Variants in BRAF observed in about 807,000 individuals in gnomAD.
BRAF encodes the protein B-Raf proto-oncogene, serine/threonine kinase.
In BRAF, 16 loss-of-function variants were observed where a neutral mutation model predicts 104.6. The observed-to-expected ratio is 0.15, with a 90% CI of 0.10 to 0.23. The LOEUF is 0.23. Among genes scored for constraint, BRAF ranks in the 10% least tolerant of loss-of-function variants. The pLI is 1.00. For missense variants in BRAF, 541 were observed against 937.3 expected (o/e 0.58, Z 5.52); for synonymous variants, 310 against 341.6 (o/e 0.91, Z 1.02).
At chr7:140,811,298 T>C (rs529454946) in intron 3 of BRAF, among the ~76,000 whole-genome samples, 8 of 152,212 alleles carry the variant, frequency 5.3e-5, no homozygotes, top group Non-Finnish European at 7.4e-5. Flanking sequence ...TTGGGTGACA[T>C]TGACAGATCT....
chr7:140,885,365 A>G (rs1171989341), intron 1 of BRAF, among the ~76,000 whole-genome samples: 8 of 152,200 alleles, frequency 5.3e-5, no homozygotes, highest in Admixed American at 5.2e-4. Flanking sequence ...TGCCTTAACA[A>G]AAGATATCTG....
At position 140,899,259 on chromosome 7, in the gene BRAF, C is replaced by CT. The variant is rs1171765687; in HGVS notation, c.138+25306dup. ...GAACTTGTTAAAAATGCAAAGCAAA[C>CT]TATCAGGCTCCACCCAATTCCTACT... On this transcript the variant is annotated intron_variant, in intron 1 of 19. Transcript: ENST00000644969. 7.8e-5 allele frequency among the ~76,000 whole-genome samples: 9 copies of CT among 115,764 alleles called. No individual in the cohort carries two copies. The East Asian group carries it at 2.7e-3, about 35-fold the overall frequency. 75.9% of individuals were successfully genotyped at this position (115,764 alleles called of 152,430 possible).
the BRAF span, among the ~76,000 whole-genome samples, chr7:140,713,605 A>G: frequency 6.6e-6 from 1 of 151,948 alleles, no homozygotes; most frequent in Non-Finnish European, 1.5e-5. Flanking sequence ...CCTTCTCTCA[A>G]CTTGTCAAAG....
chr7:140,818,375 C>T (rs1430823620), intron 3 of BRAF, among the ~76,000 whole-genome samples: 2 of 150,856 alleles, frequency 1.3e-5, no homozygotes, highest in East Asian at 1.9e-4. Flanking sequence ...TGCAGTGGCA[C>T]GATATTGGCT....
intron 2 of BRAF, among the ~76,000 whole-genome samples, chr7:140,838,604 A>G (rs749604162): frequency 1.8e-4 from 27 of 152,202 alleles, no homozygotes; most frequent in Non-Finnish European, 2.8e-4. Context: ...GAAACTGACA[A>G]GCTGATCTTA....
rs370332827 is a variant in BRAF, at chr7:140,734,786, G to GAAAAAAAAAAAAAAAAAAA, written c.2248-17_2248-16insTTTTTTTTTTTTTTTTTTT. ...AGGCGAGAATCTACAAAAAAAAAAA[G>GAAAAAAAAAAAAAAAAAAA]AAAAAAAAAAGAAAAAAAAAGAAAA... On this transcript the variant is annotated splice_polypyrimidine_tract_variant and intron_variant, in intron 18 of 19. Coordinates refer to ENST00000644969, the MANE Select transcript of BRAF (RefSeq NM_001374258.1). The GAAAAAAAAAAAAAAAAAAA allele has an allele frequency of 2.2e-5, 18 of 823,140 alleles. No individual in the cohort carries two copies. The highest frequency in any genetic ancestry group is 1.3e-4 in the Admixed American group (2 of 15,044). The allele number at this position is 823,140 out of a possible 1,614,324, so 51.0% of individuals were successfully genotyped here. A position where few individuals can be genotyped will look rare whatever the true frequency, so the allele number is the denominator to read the frequency against.
intron 17 of BRAF, chr7:140,740,558 A>C (rs1796837429): frequency 6.6e-6 from 1 of 152,198 alleles, no homozygotes; most frequent in South Asian, 2.1e-4. Context: ...CTAATTTCTT[A>C]ATTTCCTAAT....
At chr7:140,881,444 G>A (rs778986762) in intron 1 of BRAF, among the ~76,000 whole-genome samples, 1 of 152,108 alleles carries the variant, frequency 6.6e-6, no homozygotes, top group African/African-American at 2.4e-5. Flanking sequence ...GAATGGAGAC[G>A]ACGTCTCACT....
Position 140,734,774 on chromosome 7 carries a change from C to CAAAAAAAAAAGAAAAAAA in BRAF, c.2248-5_2248-4insTTTTTTTCTTTTTTTTTT. 1 of 772,600 alleles carries CAAAAAAAAAAGAAAAAAA rather than the reference C, an allele frequency of 1.3e-6. No homozygotes were observed. The highest frequency in any genetic ancestry group is 4.7e-5 in the African/African-American group (1 of 21,348). 47.9% of individuals were successfully genotyped at this position (772,600 alleles called of 1,614,324 possible). On this transcript the variant is annotated splice_region_variant and splice_polypyrimidine_tract_variant and intron_variant, in intron 18 of 19. Coordinates refer to ENST00000644969, the MANE Select transcript of BRAF (RefSeq NM_001374258.1). ...GCAGCTCAATAGAGGCGAGAATCTA[C>CAAAAAAAAAAGAAAAAAA]AAAAAAAAAAAGAAAAAAAAAAGAA...
intron 1 of BRAF, among the ~76,000 whole-genome samples, chr7:140,871,141 G>C (rs1811540600): frequency 6.9e-6 from 1 of 145,730 alleles, no homozygotes; most frequent in South Asian, 2.2e-4. Context: ...ACTCGGGAGG[G>C]TGACGCGGGA....
At chr7:140,850,474 C>T (rs1809045683) in intron 1 of BRAF, among the ~76,000 whole-genome samples, 1 of 152,148 alleles carries the variant, frequency 6.6e-6, no homozygotes, top group Non-Finnish European at 1.5e-5. Context: ...CTCTCTTCAT[C>T]TTCCTCACAT....
At chr7:140,741,394 C>G (rs929337317) in intron 17 of BRAF, 1 of 152,166 alleles carries the variant, frequency 6.6e-6, no homozygotes, top group Admixed American at 6.5e-5. Context: ...GCCGCTGCTC[C>G]TACTCTGCTT....
intron 1 of BRAF, among the ~76,000 whole-genome samples, chr7:140,904,491 T>G (rs1816069135): frequency 1.3e-5 from 2 of 152,200 alleles, no homozygotes; most frequent in African/African-American, 2.4e-5. Flanking sequence ...AGACATAACA[T>G]TTGATTCTCT....
intron 1 of BRAF, among the ~76,000 whole-genome samples, chr7:140,863,071 T>C (rs1184931830): frequency 1.3e-5 from 2 of 152,186 alleles, no homozygotes; most frequent in African/African-American, 4.8e-5. Flanking sequence ...TTTCTATCTT[T>C]TGACCTAGCA....
chr7:140,740,091 A>G (rs1396150921), intron 17 of BRAF, 145 bp from the exon 17 acceptor site: 5 of 805,704 alleles, frequency 6.2e-6, no homozygotes, highest in African/African-American at 3.5e-5. Context: ...TAAAAAACCA[A>G]TGCCACATCA....
Position 140,723,830 on chromosome 7 carries a change from T to C in BRAF, c.*2664A>G, listed in dbSNP as rs1307691149. The C allele has an allele frequency of 1.9e-6, 2 of 1,046,530 alleles. No homozygotes were observed. The highest frequency in any genetic ancestry group is 1.2e-6 in the Non-Finnish European group (1 of 867,494). 64.8% of individuals were successfully genotyped at this position (1,046,530 alleles called of 1,614,324 possible). A position where few individuals can be genotyped will look rare whatever the true frequency, so the allele number is the denominator to read the frequency against. The stretch of plus-strand genomic sequence containing the variant: ...TCTATACAATTACTCATAAAGTGCT[T>C]TTCACAAATAAGGACTTCTTCCTCG... On this transcript the variant is annotated 3_prime_UTR_variant, in exon 20 of 20. Coordinates refer to ENST00000644969, the MANE Select transcript of BRAF (RefSeq NM_001374258.1).
At chr7:140,884,192 T>A (rs1813257633) in intron 1 of BRAF, 1 of 151,956 alleles carries the variant, frequency 6.6e-6, no homozygotes, top group Non-Finnish European at 1.5e-5. Flanking sequence ...AATTAAAAAA[T>A]TTTTAAATTA....
intron 5 of BRAF, among the ~76,000 whole-genome samples, chr7:140,801,909 T>C (rs1275353811): frequency 1.3e-5 from 2 of 152,064 alleles, no homozygotes; most frequent in Admixed American, 6.6e-5. Context: ...TTAATTATCA[T>C]ACAAAGAAGG....
At chr7:140,910,689 T>G (rs1001401213) in intron 1 of BRAF, among the ~76,000 whole-genome samples, 2 of 152,072 alleles carry the variant, frequency 1.3e-5, no homozygotes, top group Admixed American at 6.6e-5. Flanking sequence ...CACTTTTTTT[T>G]TGAGAGGGTG....
Sources: gnomAD v4.1 joint callset for allele counts (sites outside exome capture counted in the v4.1 genomes callset) on GRCh38, gnomAD v4.1.1 for gene constraint, MANE v1.5 for transcripts, NCBI Gene and HGNC (gene_info 2026-07-23, HGNC 2026-07-21) for gene names.